The following MCF2L variants were observed in gnomAD, a reference collection of about 807,000 sequenced individuals.
MCF2L encodes the protein MCF.2 cell line derived transforming sequence like, also known as guanine nucleotide exchange factor DBS.
A neutral mutation model predicts 153.4 loss-of-function variants in MCF2L; 97 were observed. That is an observed-to-expected ratio of 0.63 (90% CI 0.54 to 0.75). The LOEUF (loss-of-function observed/expected upper bound fraction) is 0.75. Ranked by LOEUF, MCF2L falls within the 30% of genes least tolerant of loss-of-function variation. MCF2L has a pLI of 0.00. For synonymous variants in MCF2L, 659 were observed against 632.2 expected (o/e 1.04, Z -0.64); for missense variants, 1,347 against 1,495.2 (o/e 0.90, Z 1.64).
chr13:113,015,897 C>T (rs2084481254), intron 2 of MCF2L, among the ~76,000 whole-genome samples: 1 of 152,172 alleles, frequency 6.6e-6, no homozygotes, highest in African/African-American at 2.4e-5. Context: ...GTGGTGATGG[C>T]TCAAGAGAGG....
Position 113,060,589 on chromosome 13 carries a change from A to C in MCF2L, c.370-4A>C, listed in dbSNP as rs1436954492. 1.2e-6 allele frequency: 2 copies of C among 1,612,662 alleles called. No individual in the cohort carries two copies. Among genetic ancestry groups the C allele is most frequent in the Non-Finnish European group, 1.7e-6 (2 of 1,179,912 alleles). Reference sequence around the variant, plus strand: ...AGGCCCTTGTCTCTCGCCCTCTCTCACAGGCATCTTTCCCGGCAAACCTGC... The same window carrying C: ...AGGCCCTTGTCTCTCGCCCTCTCTCCCAGGCATCTTTCCCGGCAAACCTGC... On this transcript the variant is annotated splice_polypyrimidine_tract_variant and splice_region_variant and intron_variant, in intron 4 of 29. Coordinates refer to ENST00000535094, the MANE Select transcript of MCF2L (RefSeq NM_001112732.3).
At chr13:113,084,428 C>T in intron 18 of MCF2L, 1 of 341,062 alleles carries the variant, frequency 2.9e-6, no homozygotes, top group Non-Finnish European at 5.3e-6. Context: ...TGCCTTAAAA[C>T]CTTCTGTGCC....
intron 8 of MCF2L, among the ~76,000 whole-genome samples, chr13:113,069,668 G>A (rs926489197): frequency 6.6e-6 from 1 of 152,214 alleles, no homozygotes; most frequent in Non-Finnish European, 1.5e-5. Flanking sequence ...AGAGGTTGCA[G>A]TGAGCCGAGA....
intron 11 of MCF2L, 108 bp from the exon 12 acceptor site, chr13:113,075,858 G>A (rs758252945): frequency 1.3e-5 from 11 of 865,634 alleles, no homozygotes; most frequent in African/African-American, 6.9e-5. Context: ...ACGAGGAGTC[G>A]GTGGCCCGGG....
At chr13:113,087,541 G>A (rs1450802838) in intron 22 of MCF2L, 85 bp downstream of exon 22, 10 of 1,186,698 alleles carry the variant, frequency 8.4e-6, no homozygotes, top group East Asian at 2.5e-5. Flanking sequence ...AGGTGGCCAC[G>A]CTGACACCCA....
At chr13:113,084,501 T>A (rs901621262) in intron 18 of MCF2L, 1 of 331,148 alleles carries the variant, frequency 3.0e-6, no homozygotes, top group Non-Finnish European at 5.6e-6. Flanking sequence ...GGGGCTAGGG[T>A]CTGTTTTTTG....
At position 113,087,233 on chromosome 13, in the gene MCF2L, AG is replaced by A; in HGVS notation, c.2376del. 1 of 1,610,424 alleles carries A rather than the reference AG, an allele frequency of 6.2e-7. No homozygotes were observed. Among genetic ancestry groups the A allele is most frequent in the Non-Finnish European group, 8.5e-7 (1 of 1,179,172 alleles). On this transcript the variant is annotated splice_acceptor_variant, in intron 21 of 29. Transcript: ENST00000535094. LOFTEE classifies it high-confidence loss of function. Reference sequence around the variant, plus strand: ...AACACAGCCCTGCTGTCGCACATTTAGGGGAATCTCGGCGACCTGGGCAAGC... The same window carrying A: ...AACACAGCCCTGCTGTCGCACATTTAGGGAATCTCGGCGACCTGGGCAAGC...
At chr13:113,080,952 G>A (rs1472616892) in intron 15 of MCF2L, among the ~76,000 whole-genome samples, 1 of 152,224 alleles carries the variant, frequency 6.6e-6, no homozygotes, top group Non-Finnish European at 1.5e-5. Flanking sequence ...CCTCCTACCA[G>A]GCGGTGTGTG....
chr13:113,020,292 G>A (rs568290524), intron 2 of MCF2L, among the ~76,000 whole-genome samples: 1 of 152,334 alleles, frequency 6.6e-6, no homozygotes, highest in African/African-American at 2.4e-5. Context: ...ACACAAGAGG[G>A]TGTCCCTAAG....
chr13:112,962,736 A>G (rs1302628309), intron 2 of MCF2L, among the ~76,000 whole-genome samples: 2 of 151,976 alleles, frequency 1.3e-5, no homozygotes, highest in Non-Finnish European at 2.9e-5. Flanking sequence ...GAAGGCCCCA[A>G]CCCCTACCCA....
chr13:113,034,017 A>G (rs2085975034), intron 3 of MCF2L: 1 of 166,980 alleles, frequency 6.0e-6, no homozygotes. Context: ...CGTGTTCCCC[A>G]GGTCCTTTTC....
chr13:112,968,677 C>A (rs1194618657), upstream of MCF2L: 2 of 1,487,640 alleles, frequency 1.3e-6, no homozygotes, highest in Admixed American at 2.2e-5. Context: ...GCTGCTGCGG[C>A]CTCTGCAGCT....
At chr13:112,953,972 A>G (rs909592891) in intron 2 of MCF2L, among the ~76,000 whole-genome samples, 1 of 152,224 alleles carries the variant, frequency 6.6e-6, no homozygotes, top group Non-Finnish European at 1.5e-5. Context: ...TGTGTGGCCA[A>G]CGGAACTGTC....
intron 3 of MCF2L, among the ~76,000 whole-genome samples, chr13:113,040,124 CA>C (rs2086385217): frequency 6.6e-6 from 1 of 152,090 alleles, no homozygotes; most frequent in Admixed American, 6.5e-5. Context: ...AGCCAGACAG[CA>C]AAAAAGCACA....
chr13:113,021,069 TAG>T (rs1460167102), intron 2 of MCF2L, among the ~76,000 whole-genome samples: 1 of 152,128 alleles, frequency 6.6e-6, no homozygotes, highest in Non-Finnish European at 1.5e-5. Context: ...TGTGTATATA[TAG>T]GTGTGTATGT....
At chr13:112,918,472 T>G (rs1378664957) in intron 2 of MCF2L, among the ~76,000 whole-genome samples, 1 of 152,078 alleles carries the variant, frequency 6.6e-6, no homozygotes, top group African/African-American at 2.4e-5. Context: ...CTTGTCCTTG[T>G]TGGGTTGCAT....
intron 3 of MCF2L, among the ~76,000 whole-genome samples, chr13:113,034,937 G>A (rs114826483): frequency 1.3e-5 from 2 of 152,172 alleles, no homozygotes; most frequent in Non-Finnish European, 2.9e-5. Flanking sequence ...GGCAAGGCAG[G>A]CCCGCAGTCC....
chr13:112,933,063 A>ATTTGTCTCCTTC (rs2081479514), intron 2 of MCF2L, among the ~76,000 whole-genome samples: 2 of 149,398 alleles, frequency 1.3e-5, no homozygotes, highest in African/African-American at 4.9e-5. Context: ...AATAAACATG[A>ATTTGTCTCCTTC]AGGAAGGAAG....
rs147011573 is a variant in MCF2L, at chr13:113,060,595, A to T, written c.372A>T (p.Ala124=). Residue 124 remains alanine, a splice_region_variant and synonymous_variant, in exon 5 of 30, where the codon GCA becomes GCT. Transcript: ENST00000535094. ...SVKASVLRIA[A]SFPANLQLVL... Reference sequence around the variant, plus strand: ...TTGTCTCTCGCCCTCTCTCACAGGCATCTTTCCCGGCAAACCTGCAGCTCG... The same window carrying T: ...TTGTCTCTCGCCCTCTCTCACAGGCTTCTTTCCCGGCAAACCTGCAGCTCG... 29 of 1,612,880 alleles carry T rather than the reference A, an allele frequency of 1.8e-5. No individual in the cohort carries two copies. Among genetic ancestry groups the T allele is most frequent in the Non-Finnish European group, 2.3e-5 (27 of 1,179,972 alleles).
Sources: gnomAD v4.1 joint callset for allele counts (sites outside exome capture counted in the v4.1 genomes callset) on GRCh38, gnomAD v4.1.1 for gene constraint, MANE v1.5 for transcripts, NCBI Gene and HGNC (gene_info 2026-07-23, HGNC 2026-07-21) for gene names.